Variants in CRB1 observed in about 807,000 individuals in gnomAD.
CRB1 encodes crumbs cell polarity complex component 1.
CRB1 carries 83 observed loss-of-function variants against 120.0 expected under a neutral mutation model. The observed-to-expected ratio is 0.69, with a 90% CI of 0.58 to 0.83. The LOEUF is 0.83. CRB1 is among the 40% of genes least tolerant of loss of function. The pLI is 0.00. For synonymous variants in CRB1, 625 were observed against 612.5 expected (o/e 1.02, Z -0.30); for missense variants, 1,699 against 1,687.6 (o/e 1.01, Z -0.12).
At chr1:197,477,580 T>C in intron 11 of CRB1, 84 bp from the exon 12 acceptor site, 1 of 1,335,552 alleles carries the variant, frequency 7.5e-7, no homozygotes, top group East Asian at 2.3e-5. Context: ...CTGGTTGGTC[T>C]TCATTCCTGA....
chr1:197,321,982 A>T (rs2821133), intron 1 of CRB1, among the ~76,000 whole-genome samples: 97 of 152,318 alleles, frequency 6.4e-4, no homozygotes, highest in African/African-American at 2.3e-3. Flanking sequence ...TCTTACTCAT[A>T]ACCACACATT....
At chr1:197,424,569 A>G (rs1288116098) in intron 6 of CRB1, among the ~76,000 whole-genome samples, 2 of 152,096 alleles carry the variant, frequency 1.3e-5, no homozygotes, top group African/African-American at 2.4e-5. Flanking sequence ...GTGCTGGATG[A>G]TACAGTGACA....
the CRB1 span, among the ~76,000 whole-genome samples, chr1:197,249,341 T>C: frequency 2.8e-4 from 43 of 152,054 alleles, no homozygotes; most frequent in African/African-American, 9.9e-4. Context: ...ATGAATAATC[T>C]TGTACAAAGA....
the CRB1 span, among the ~76,000 whole-genome samples, chr1:197,215,310 T>G: frequency 2.1e-5 from 3 of 144,778 alleles, no homozygotes; most frequent in African/African-American, 7.7e-5. Flanking sequence ...GCAGTTTCAC[T>G]CTTGTTGCCC....
chr1:197,389,337 A>G (rs1010704882), intron 5 of CRB1, among the ~76,000 whole-genome samples: 1 of 152,196 alleles, frequency 6.6e-6, no homozygotes, highest in African/African-American at 2.4e-5. Flanking sequence ...TACCATACAT[A>G]TATCATGGAA....
the CRB1 span, among the ~76,000 whole-genome samples, chr1:197,257,676 A>G: frequency 6.6e-6 from 1 of 152,130 alleles, no homozygotes; most frequent in Non-Finnish European, 1.5e-5. Flanking sequence ...GTCTCATTTC[A>G]TCTGTTTCTC....
intron 11 of CRB1, among the ~76,000 whole-genome samples, chr1:197,445,500 T>C (rs988511373): frequency 6.6e-5 from 10 of 152,230 alleles, no homozygotes; most frequent in African/African-American, 2.4e-4. Context: ...AAATACTTTA[T>C]CTTTTCAATT....
Position 197,460,875 on chromosome 1 carries a change from T to C in CRB1, c.4006-16789T>C, listed in dbSNP as rs556523578. On this transcript the variant is annotated intron_variant, in intron 11 of 11. Coordinates refer to ENST00000367400, the MANE Select transcript of CRB1 (RefSeq NM_201253.3). ...AGTTTACAAAAACACAAGTTTATCA[T>C]GGGACCAACTGTGTCCAGGGAACTC... 3.3e-5 allele frequency among the ~76,000 whole-genome samples: 5 copies of C among 152,246 alleles called. No homozygotes were observed. The East Asian group carries it at 9.7e-4, about 29-fold the overall frequency.
chr1:197,291,373 A>T (rs1236801448), intron 1 of CRB1, among the ~76,000 whole-genome samples: 1 of 151,822 alleles, frequency 6.6e-6, no homozygotes, highest in Non-Finnish European at 1.5e-5. Context: ...TTTTAATTAC[A>T]TTGGGAAATT....
chr1:197,254,329 T>G, the CRB1 span, among the ~76,000 whole-genome samples: 1 of 152,180 alleles, frequency 6.6e-6, no homozygotes, highest in East Asian at 1.9e-4. Flanking sequence ...GCAATCATTA[T>G]TTATAGCAAG....
chr1:197,219,076 G>C, the CRB1 span, among the ~76,000 whole-genome samples: 2 of 152,136 alleles, frequency 1.3e-5, no homozygotes, highest in African/African-American at 2.4e-5. Context: ...TGGTAGGTTT[G>C]TCATGGCCAC....
the CRB1 span, among the ~76,000 whole-genome samples, chr1:197,242,670 G>T: frequency 3.3e-5 from 5 of 152,084 alleles, no homozygotes; most frequent in Admixed American, 2.0e-4. Flanking sequence ...TTTTGTATCA[G>T]GATGATGCTG....
At position 197,427,315 on chromosome 1, in the gene CRB1, T is replaced by C. The variant is rs557024719; in HGVS notation, c.2129-139T>C. 205 of 688,498 alleles carry C rather than the reference T, an allele frequency of 3.0e-4. 1 individual carries two copies. In the South Asian group the frequency reaches 3.5e-3, roughly 12 times the overall value. 42.6% of individuals were successfully genotyped at this position (688,498 alleles called of 1,614,324 possible). ...TATTTAATAAACCTGTCCTGAACTT[T>C]AAAAGCTATGTATGAGTGTGTATGC... On this transcript the variant is annotated intron_variant, in intron 6 of 11. Coordinates refer to ENST00000367400, the MANE Select transcript of CRB1 (RefSeq NM_201253.3).
intron 7 of CRB1, 74 bp downstream of exon 7, chr1:197,428,075 A>AT: frequency 1.5e-6 from 2 of 1,354,316 alleles, no homozygotes; most frequent in Non-Finnish European, 2.1e-6. Flanking sequence ...TAACTTATTA[A>AT]AACCATTCTT....
chr1:197,478,318 A>G lies in CRB1; in HGVS notation c.*439A>G. On this transcript the variant is annotated 3_prime_UTR_variant, in exon 12 of 12. Coordinates refer to ENST00000367400, the MANE Select transcript of CRB1 (RefSeq NM_201253.3). ...GGCTACATTTCTCACTTCTCCTATC[A>G]TGTGGTCAAAGTTATTGTTGTATAC... The G allele has an allele frequency of 4.0e-6, 1 of 247,790 alleles. No homozygotes were observed. Among genetic ancestry groups the G allele is most frequent in the Non-Finnish European group, 7.9e-6 (1 of 125,908 alleles). 15.3% of individuals were successfully genotyped at this position (247,790 alleles called of 1,614,324 possible). A position where few individuals can be genotyped will look rare whatever the true frequency, so the allele number is the denominator to read the frequency against.
intron 9 of CRB1, among the ~76,000 whole-genome samples, chr1:197,437,383 G>A (rs1665215503): frequency 6.6e-6 from 1 of 152,058 alleles, no homozygotes; most frequent in African/African-American, 2.4e-5. Context: ...AAGAATTCAG[G>A]ATCAAATTTA....
intron 5 of CRB1, chr1:197,363,864 A>T (rs1660915583): frequency 1.1e-6 from 1 of 921,004 alleles, no homozygotes; most frequent in East Asian, 2.4e-5. Flanking sequence ...TGGTATAGGA[A>T]GGGAACGTGG....
At chr1:197,430,481 AG>A (rs1420456759) in intron 8 of CRB1, among the ~76,000 whole-genome samples, 1 of 152,162 alleles carries the variant, frequency 6.6e-6, no homozygotes. Context: ...CTTAAAGAAT[AG>A]GGAGTAAAAA....
At chr1:197,462,680 T>A (rs921658291) in intron 11 of CRB1, among the ~76,000 whole-genome samples, 21 of 152,192 alleles carry the variant, frequency 1.4e-4, no homozygotes, top group African/African-American at 4.3e-4. Context: ...GTATAATTTT[T>A]AATTACACAT....
Sources: gnomAD v4.1 joint callset for allele counts (sites outside exome capture counted in the v4.1 genomes callset) on GRCh38, gnomAD v4.1.1 for gene constraint, MANE v1.5 for transcripts, NCBI Gene and HGNC (gene_info 2026-07-23, HGNC 2026-07-21) for gene names.